The following LDLRAD4 variants were observed in gnomAD, a reference collection of about 807,000 sequenced individuals.
LDLRAD4 encodes the protein low density lipoprotein receptor class A domain containing 4.
In LDLRAD4, 5 loss-of-function variants were observed where a neutral mutation model predicts 17.0. The observed-to-expected ratio is 0.29, with a 90% CI of 0.15 to 0.62. The LOEUF (loss-of-function observed/expected upper bound fraction) is 0.62, where lower values mean the gene tolerates loss of function less well. Among genes scored for constraint, LDLRAD4 ranks in the 20% least tolerant of loss-of-function variants. The pLI is 0.84. For missense variants in LDLRAD4, 340 were observed against 424.7 expected (o/e 0.80, Z 1.75); for synonymous variants, 168 against 171.8 (o/e 0.98, Z 0.17).
intron 2 of LDLRAD4, among the ~76,000 whole-genome samples, chr18:13,429,487 A>G (rs1178619729): frequency 6.6e-6 from 1 of 152,252 alleles, no homozygotes; most frequent in East Asian, 1.9e-4. Flanking sequence ...TCCAGAATTC[A>G]GGAATCCATT....
At chr18:13,331,353 A>C (rs1042576001) in intron 1 of LDLRAD4, among the ~76,000 whole-genome samples, 10 of 152,204 alleles carry the variant, frequency 6.6e-5, no homozygotes, top group Non-Finnish European at 1.3e-4. Context: ...TTGCTCTCAG[A>C]AGACTTCTGT....
intron 2 of LDLRAD4, among the ~76,000 whole-genome samples, chr18:13,433,111 A>G (rs2090448122): frequency 6.6e-6 from 1 of 152,246 alleles, no homozygotes; most frequent in Non-Finnish European, 1.5e-5. Flanking sequence ...CCTCTGTACT[A>G]GGAAATGTAA....
intron 4 of LDLRAD4, chr18:13,642,379 GA>G: frequency 1.9e-6 from 2 of 1,040,666 alleles, no homozygotes; most frequent in Non-Finnish European, 2.3e-6. Flanking sequence ...ACTCTGGGCT[GA>G]AAAGGGTACC....
intron 1 of LDLRAD4, among the ~76,000 whole-genome samples, chr18:13,224,070 G>A (rs1210538269): frequency 6.6e-6 from 1 of 152,180 alleles, no homozygotes; most frequent in Non-Finnish European, 1.5e-5. Flanking sequence ...CCTCCGTGCT[G>A]TAGCCCTCCC....
intron 2 of LDLRAD4, among the ~76,000 whole-genome samples, chr18:13,412,524 A>G (rs921052140): frequency 1.3e-5 from 2 of 152,198 alleles, no homozygotes; most frequent in African/African-American, 4.8e-5. Flanking sequence ...TCATCCATTC[A>G]TATGATATTG....
chr18:13,341,651 T>G (rs2082381061), intron 1 of LDLRAD4, among the ~76,000 whole-genome samples: 1 of 152,146 alleles, frequency 6.6e-6, no homozygotes, highest in South Asian at 2.1e-4. Flanking sequence ...CTTTAGGGCT[T>G]TCTACATATA....
At chr18:13,592,848 A>G (rs1364210272) in intron 3 of LDLRAD4, among the ~76,000 whole-genome samples, 6 of 152,234 alleles carry the variant, frequency 3.9e-5, no homozygotes, top group Non-Finnish European at 8.8e-5. Context: ...GGGAGTGGAA[A>G]GAGACCAAAA....
chr18:13,230,528 A>T (rs1173558074), intron 1 of LDLRAD4, among the ~76,000 whole-genome samples: 1 of 152,086 alleles, frequency 6.6e-6, no homozygotes, highest in Non-Finnish European at 1.5e-5. Context: ...TTATAAATAA[A>T]TATACATGAC....
chr18:13,580,308 C>A (rs2094838957), intron 3 of LDLRAD4, among the ~76,000 whole-genome samples: 1 of 152,230 alleles, frequency 6.6e-6, no homozygotes, highest in African/African-American at 2.4e-5. Context: ...GTCACCCCAC[C>A]TTGGCTTGTG....
At chr18:13,252,800 C>T (rs941897418) in intron 1 of LDLRAD4, among the ~76,000 whole-genome samples, 4 of 152,256 alleles carry the variant, frequency 2.6e-5, no homozygotes, top group African/African-American at 9.6e-5. Flanking sequence ...TCCACATCCA[C>T]AGCTGTTTCT....
rs116544367 is a variant in LDLRAD4, at chr18:13,469,592, G to A, written c.181+31208G>A. 6.7e-3 allele frequency among the ~76,000 whole-genome samples: 1,025 copies of A among 152,318 alleles called. 17 individuals carry two copies. Among genetic ancestry groups the A allele is most frequent in the African/African-American group, 0.024 (980 of 41,556 alleles). On this transcript the variant is annotated intron_variant, in intron 3 of 5. Transcript: ENST00000359446. ...TTGGATGAACCTTGGAAAACATTAT[G>A]CTAAGTGGAATAAGCCAGTGACTAA... is the stretch of plus-strand genomic sequence containing the variant.
intron 4 of LDLRAD4, among the ~76,000 whole-genome samples, chr18:13,629,731 T>G (rs2041494804): frequency 6.6e-6 from 1 of 152,088 alleles, no homozygotes; most frequent in South Asian, 2.1e-4. Flanking sequence ...TAAAATCTGT[T>G]GGTTTATTTT....
chr18:13,319,524 C>T (rs1599374109), intron 1 of LDLRAD4, among the ~76,000 whole-genome samples: 3 of 152,322 alleles, frequency 2.0e-5, no homozygotes, highest in East Asian at 3.9e-4. Context: ...ATTTGGAACA[C>T]TTGTTAAGTT....
At chr18:13,389,156 G>A (rs756209801) in intron 2 of LDLRAD4, among the ~76,000 whole-genome samples, 8 of 152,334 alleles carry the variant, frequency 5.3e-5, no homozygotes, top group African/African-American at 1.7e-4. Context: ...CATACCTGCA[G>A]CCCAGCTGTC....
intron 1 of LDLRAD4, among the ~76,000 whole-genome samples, chr18:13,252,339 G>T (rs2145836536): frequency 6.6e-6 from 1 of 152,274 alleles, no homozygotes; most frequent in South Asian, 2.1e-4. Flanking sequence ...ATGTTGGTCA[G>T]GCTGGTCTCG....
chr18:13,454,562 A>C (rs1311749482), intron 3 of LDLRAD4, among the ~76,000 whole-genome samples: 1 of 152,150 alleles, frequency 6.6e-6, no homozygotes, highest in Non-Finnish European at 1.5e-5. Context: ...TGAAACATAC[A>C]CTCAGTGAGT....
intron 1 of LDLRAD4, among the ~76,000 whole-genome samples, chr18:13,261,033 C>T (rs2043789700): frequency 6.6e-6 from 1 of 152,232 alleles, no homozygotes; most frequent in Admixed American, 6.5e-5. Flanking sequence ...CTTGCTTTCC[C>T]CATCCCTCCT....
chr18:13,350,748 G>T (rs1360103878), intron 1 of LDLRAD4, among the ~76,000 whole-genome samples: 1 of 152,120 alleles, frequency 6.6e-6, no homozygotes, highest in Non-Finnish European at 1.5e-5. Context: ...TTCTTCTAGG[G>T]TTTTAATGGC....
intron 1 of LDLRAD4, among the ~76,000 whole-genome samples, chr18:13,321,750 G>A (rs1297838348): frequency 6.6e-6 from 1 of 151,406 alleles, no homozygotes; most frequent in Admixed American, 6.6e-5. Flanking sequence ...AATTTCAGCT[G>A]CTCGGGAGGC....
Sources: gnomAD v4.1 joint callset for allele counts (sites outside exome capture counted in the v4.1 genomes callset) on GRCh38, gnomAD v4.1.1 for gene constraint, MANE v1.5 for transcripts, NCBI Gene and HGNC (gene_info 2026-07-23, HGNC 2026-07-21) for gene names.